Variants in KLF8 observed in about 807,000 individuals in gnomAD.
KLF8 encodes Krueppel-like factor 8.
A neutral mutation model predicts 18.2 loss-of-function variants in KLF8; 10 were observed. The observed-to-expected ratio is 0.55, with a 90% CI of 0.34 to 0.93. KLF8 has a LOEUF of 0.93. KLF8 is among the 40% of genes least tolerant of loss of function. KLF8 has a pLI of 0.02. For synonymous variants in KLF8, 109 were observed against 97.3 expected, an observed-to-expected ratio of 1.12 and a Z score of -0.71; for missense variants, 264 against 277.9, an observed-to-expected ratio of 0.95 and a Z score of 0.36.
At chrX:55,986,814 C>A in the KLF8 span, among the ~76,000 whole-genome samples, 3 of 111,457 alleles carry the variant, frequency 2.7e-5, no homozygotes, top group Non-Finnish European at 5.7e-5. Context: ...GAGTATAGCA[C>A]CAGATACATA....
At chrX:56,092,047 TG>T in the KLF8 span, among the ~76,000 whole-genome samples, 1 of 108,088 alleles carries the variant, frequency 9.3e-6, no homozygotes, top group African/African-American at 3.4e-5. Context: ...TCTGATTGCA[TG>T]GTTTTAACTT....
chrX:56,172,735 G>T, the KLF8 span, among the ~76,000 whole-genome samples: 2 of 111,795 alleles, frequency 1.8e-5, no homozygotes, highest in African/African-American at 3.3e-5. Flanking sequence ...GTGTAAAAGT[G>T]TTCCTATTTC....
the KLF8 span, among the ~76,000 whole-genome samples, chrX:55,921,706 G>A: frequency 9.0e-6 from 1 of 111,700 alleles, no homozygotes; most frequent in Non-Finnish European, 1.9e-5. Context: ...GAAAATTTTT[G>A]CAATCTATCC....
chrX:56,248,053 A>T (rs1411294928), intron 1 of KLF8, among the ~76,000 whole-genome samples: 1 of 111,310 alleles, frequency 9.0e-6, no homozygotes, highest in Non-Finnish European at 1.9e-5. Context: ...TGATATCACT[A>T]GGTGATAGGA....
At chrX:56,197,690 A>G in the KLF8 span, among the ~76,000 whole-genome samples, 3 of 112,007 alleles carry the variant, frequency 2.7e-5, no homozygotes, top group African/African-American at 9.7e-5. Context: ...TCCTTCTGAA[A>G]TTATTCCAAT....
the KLF8 span, among the ~76,000 whole-genome samples, chrX:55,940,940 C>T: frequency 9.0e-6 from 1 of 111,422 alleles, no homozygotes; most frequent in African/African-American, 3.3e-5. Flanking sequence ...GTGAAAATGG[C>T]CATACTGCCC....
At chrX:56,052,382 TC>T in the KLF8 span, among the ~76,000 whole-genome samples, 1 of 112,127 alleles carries the variant, frequency 8.9e-6, no homozygotes, top group Non-Finnish European at 1.9e-5. Flanking sequence ...GTTCTGTTTT[TC>T]CCCCATCTTT....
chrX:55,990,298 G>T, the KLF8 span, among the ~76,000 whole-genome samples: 4 of 111,802 alleles, frequency 3.6e-5, no homozygotes, highest in East Asian at 1.1e-3. Context: ...ATGTTAGGGT[G>T]TCAATTTTAG....
At chrX:56,176,142 A>G in the KLF8 span, among the ~76,000 whole-genome samples, 1 of 111,978 alleles carries the variant, frequency 8.9e-6, no homozygotes, top group East Asian at 2.8e-4. Flanking sequence ...TGATCCTGGC[A>G]TTATGATGTT....
At chrX:56,177,968 C>G in the KLF8 span, among the ~76,000 whole-genome samples, 5 of 111,615 alleles carry the variant, frequency 4.5e-5, no homozygotes, top group Non-Finnish European at 9.4e-5. Flanking sequence ...TATTAGGGTG[C>G]GAGTGACCCT....
the KLF8 span, among the ~76,000 whole-genome samples, chrX:55,990,041 G>A: frequency 1.8e-5 from 2 of 111,200 alleles, no homozygotes; most frequent in Middle Eastern, 4.2e-3. Flanking sequence ...TGTGGGATCG[G>A]TGGTGATATC....
chrX:56,081,034 C>G, the KLF8 span, among the ~76,000 whole-genome samples: 1 of 110,723 alleles, frequency 9.0e-6, no homozygotes, highest in Non-Finnish European at 1.9e-5. Flanking sequence ...ATTGGTTATT[C>G]TAGTTATACA....
the KLF8 span, among the ~76,000 whole-genome samples, chrX:56,028,706 T>C: frequency 7.2e-5 from 8 of 111,403 alleles, no homozygotes; most frequent in Admixed American, 7.6e-4. Context: ...TGAGTCCAAG[T>C]GTACTGTGTG....
the KLF8 span, among the ~76,000 whole-genome samples, chrX:56,019,858 A>G: frequency 5.0e-4 from 56 of 111,775 alleles, no homozygotes; most frequent in African/African-American, 1.8e-3. Context: ...CTATTCAGAG[A>G]ACTGTGGTAG....
the KLF8 span, among the ~76,000 whole-genome samples, chrX:56,217,759 C>T: frequency 9.0e-6 from 1 of 111,452 alleles, no homozygotes; most frequent in African/African-American, 3.3e-5. Context: ...ATTGGTTGAA[C>T]TCAAGAGTTA....
At chrX:56,269,550 C>A in intron 4 of KLF8, 61 bp downstream of exon 4, 1 of 1,059,607 alleles carries the variant, frequency 9.4e-7, no homozygotes, top group Non-Finnish European at 1.2e-6. Context: ...TGTGTGTGTA[C>A]ATTTGCACAT....
chrX:56,061,872 T>C, the KLF8 span, among the ~76,000 whole-genome samples: 1 of 110,995 alleles, frequency 9.0e-6, no homozygotes, highest in South Asian at 3.8e-4. Flanking sequence ...ATATTTACGA[T>C]AGTTACCTCT....
chrX:56,157,396 TA>T, the KLF8 span, among the ~76,000 whole-genome samples: 157 of 108,969 alleles, frequency 1.4e-3, no homozygotes, highest in African/African-American at 5.0e-3. Flanking sequence ...AAAATAAAAT[TA>T]AAAAAAAAGA....
the KLF8 span, among the ~76,000 whole-genome samples, chrX:56,077,378 G>T: frequency 1.8e-5 from 2 of 111,889 alleles, no homozygotes; most frequent in African/African-American, 6.5e-5. Flanking sequence ...GGTTTTCCCA[G>T]CACCATTTAT....
Sources: allele counts gnomAD v4.1 joint callset (sites outside exome capture counted in the v4.1 genomes callset), GRCh38; gene constraint gnomAD v4.1.1; transcripts MANE v1.5; gene names NCBI Gene and HGNC (gene_info 2026-07-23, HGNC 2026-07-21).